The following GPC5 variants were observed in gnomAD, a reference collection of about 807,000 sequenced individuals.
The protein encoded by GPC5 is glypican-5.
GPC5 carries 47 observed loss-of-function variants against 53.9 expected under a neutral mutation model. The observed-to-expected ratio is 0.87, with a 90% CI of 0.69 to 1.11. GPC5 has a LOEUF of 1.11. Among genes scored for constraint, GPC5 ranks in the 50% most tolerant of loss-of-function variants. The pLI is 0.00. For missense variants in GPC5, 748 were observed against 713.1 expected (o/e 1.05, Z -0.56); for synonymous variants, 286 against 263.3 (o/e 1.09, Z -0.84).
chr13:92,504,367 C>T (rs1480950779), intron 7 of GPC5, among the ~76,000 whole-genome samples: 1 of 151,910 alleles, frequency 6.6e-6, no homozygotes, highest in Non-Finnish European at 1.5e-5. Flanking sequence ...AGAGTTATCA[C>T]ATATTCATAG....
intron 6 of GPC5, among the ~76,000 whole-genome samples, chr13:92,133,939 T>C (rs2041764361): frequency 6.6e-6 from 1 of 152,138 alleles, no homozygotes; most frequent in African/African-American, 2.4e-5. Context: ...TGAGGCAAAA[T>C]TTAGCAGATG....
At chr13:92,760,539 T>A (rs1041708522) in intron 7 of GPC5, among the ~76,000 whole-genome samples, 7 of 152,090 alleles carry the variant, frequency 4.6e-5, no homozygotes, top group African/African-American at 1.7e-4. Context: ...CATTTCTGAT[T>A]TTACATATTT....
chr13:91,650,750 G>GTTTTTGTTTTTTTTTTTTTTTTTTTTTTT lies in GPC5; in HGVS notation c.326-42432_326-42431insGTTTTTTTTTTTTTTTTTTTTTTTTTTTT, dbSNP rs1491353283. Among the ~76,000 whole-genome samples, 210 of 99,590 alleles carry GTTTTTGTTTTTTTTTTTTTTTTTTTTTTT rather than the reference G, an allele frequency of 2.1e-3. 6 individuals carry two copies. The highest frequency in any genetic ancestry group is 0.012 in the Middle Eastern group (2 of 166). 65.3% of individuals were successfully genotyped at this position (99,590 alleles called of 152,430 possible). A position where few individuals can be genotyped will look rare whatever the true frequency, so the allele number is the denominator to read the frequency against. ...CATCTGTGAAACAAAATTCCCATAA[G>GTTTTTGTTTTTTTTTTTTTTTTTTTTTTT]TTTTTTTTTTTTTTTTTTTTTTAGC... On this transcript the variant is annotated intron_variant, in intron 2 of 7. Coordinates refer to ENST00000377067, the MANE Select transcript of GPC5 (RefSeq NM_004466.6).
At chr13:92,613,258 AAT>A (rs1224530483) in intron 7 of GPC5, among the ~76,000 whole-genome samples, 140 of 127,494 alleles carry the variant, frequency 1.1e-3, no homozygotes, top group Middle Eastern at 3.9e-3. Flanking sequence ...ATTTATATAT[AAT>A]ATATATATAA....
At chr13:91,946,335 G>T (rs557286055) in intron 6 of GPC5, among the ~76,000 whole-genome samples, 8 of 152,120 alleles carry the variant, frequency 5.3e-5, no homozygotes, top group African/African-American at 1.9e-4. Flanking sequence ...ATCTTTGCAT[G>T]TGTTTAAAAT....
intron 6 of GPC5, among the ~76,000 whole-genome samples, chr13:92,065,205 A>G (rs1045427164): frequency 6.6e-6 from 1 of 152,196 alleles, no homozygotes; most frequent in Non-Finnish European, 1.5e-5. Flanking sequence ...GAGTCTATCT[A>G]TCAAGTGTTC....
chr13:92,248,875 A>G (rs1480112249), intron 7 of GPC5, among the ~76,000 whole-genome samples: 1 of 152,138 alleles, frequency 6.6e-6, no homozygotes, highest in Non-Finnish European at 1.5e-5. Context: ...AGGTTAATCA[A>G]TAACATCATT....
At chr13:92,303,966 A>G (rs35157714) in intron 7 of GPC5, among the ~76,000 whole-genome samples, 28 of 152,168 alleles carry the variant, frequency 1.8e-4, no homozygotes, top group Non-Finnish European at 3.5e-4. Context: ...AGAAGACTCA[A>G]CATGCTAAGG....
At chr13:92,041,139 A>G (rs2138824076) in intron 6 of GPC5, among the ~76,000 whole-genome samples, 1 of 152,344 alleles carries the variant, frequency 6.6e-6, no homozygotes, top group East Asian at 1.9e-4. Context: ...GGCATGAGCC[A>G]CCACACCCGA....
intron 7 of GPC5, among the ~76,000 whole-genome samples, chr13:92,555,097 T>C (rs1882449554): frequency 6.6e-6 from 1 of 151,436 alleles, no homozygotes; most frequent in Non-Finnish European, 1.5e-5. Flanking sequence ...TATTAATATA[T>C]TAAAAATCAT....
intron 5 of GPC5, among the ~76,000 whole-genome samples, chr13:91,790,526 T>C (rs1159605841): frequency 6.6e-6 from 1 of 152,240 alleles, no homozygotes; most frequent in East Asian, 1.9e-4. Context: ...ACAATGCTCC[T>C]ACCCTCATGA....
intron 6 of GPC5, among the ~76,000 whole-genome samples, chr13:92,002,377 A>T (rs569174602): frequency 5.3e-5 from 8 of 152,340 alleles, no homozygotes; most frequent in Non-Finnish European, 1.0e-4. Flanking sequence ...CACCCAAAGG[A>T]ATTAAAATAT....
At chr13:92,340,925 T>G (rs969044736) in intron 7 of GPC5, among the ~76,000 whole-genome samples, 1 of 152,158 alleles carries the variant, frequency 6.6e-6, no homozygotes, top group African/African-American at 2.4e-5. Context: ...TATTATCTAA[T>G]GAACGTTATT....
intron 7 of GPC5, among the ~76,000 whole-genome samples, chr13:92,183,603 C>A (rs1222187852): frequency 6.6e-6 from 1 of 151,886 alleles, no homozygotes; most frequent in Non-Finnish European, 1.5e-5. Context: ...AGATTAAAAA[C>A]CCTTGGAAAA....
intron 6 of GPC5, among the ~76,000 whole-genome samples, chr13:92,038,171 G>C (rs368196842): frequency 9.9e-5 from 15 of 152,060 alleles, no homozygotes; most frequent in African/African-American, 3.4e-4. Flanking sequence ...AGAAAGAGAG[G>C]AATTAAGGGT....
At chr13:92,410,040 C>A (rs1422551783) in intron 7 of GPC5, among the ~76,000 whole-genome samples, 1 of 152,162 alleles carries the variant, frequency 6.6e-6, no homozygotes, top group Non-Finnish European at 1.5e-5. Flanking sequence ...TGATATATTT[C>A]ATATTATTTG....
chr13:91,628,196 G>A (rs1162677491), intron 2 of GPC5, among the ~76,000 whole-genome samples: 1 of 152,012 alleles, frequency 6.6e-6, no homozygotes, highest in Non-Finnish European at 1.5e-5. Flanking sequence ...AACGTGATCT[G>A]ATTATATAAT....
chr13:92,239,968 A>G (rs2042599049), intron 7 of GPC5: 1 of 42,966 alleles, frequency 2.3e-5, no homozygotes, highest in South Asian at 9.4e-4. Context: ...TTTTTTGTCC[A>G]TATAATTAAA....
chr13:92,295,922 CT>C (rs537915008), intron 7 of GPC5, among the ~76,000 whole-genome samples: 90 of 152,304 alleles, frequency 5.9e-4, no homozygotes, highest in African/African-American at 2.1e-3. Context: ...AATTCTGTAT[CT>C]TTTAAGTGGA....
Sources: gnomAD v4.1 joint callset for allele counts (sites outside exome capture counted in the v4.1 genomes callset) on GRCh38, gnomAD v4.1.1 for gene constraint, MANE v1.5 for transcripts, NCBI Gene and HGNC (gene_info 2026-07-23, HGNC 2026-07-21) for gene names.